Variants in RGS12 observed in about 807,000 individuals in gnomAD.
RGS12 encodes regulator of G protein signaling 12, also known as regulator of G-protein signaling 12.
In RGS12, 66 loss-of-function variants were observed where a neutral mutation model predicts 120.1. The observed-to-expected ratio is 0.55, with a 90% CI of 0.45 to 0.67. The LOEUF is 0.67. Among genes scored for constraint, RGS12 ranks in the 30% least tolerant of loss-of-function variants. The probability of loss-of-function intolerance (pLI) is 0.00; values close to 1 mark genes in which losing one functional copy is unlikely to be tolerated. For missense variants in RGS12, 1,859 were observed against 1,957.7 expected (o/e 0.95, Z 0.95); for synonymous variants, 827 against 804.7 (o/e 1.03, Z -0.47).
rs943822552 is a variant in RGS12 at position 3,365,092 on chromosome 4, C to T, written c.1999-21324C>T. Among the ~76,000 whole-genome samples the T allele has an allele frequency of 5.3e-5, 8 of 152,034 alleles. No individual in the cohort carries two copies. Among genetic ancestry groups the T allele is most frequent in the South Asian group, 2.1e-4 (1 of 4,810 alleles). ...AGGTGACGGCGGTTTGCAGGTTCCC[C>T]GGGAGCTGTTGGAGCCAGGAGCCTG... On this transcript the variant is annotated intron_variant, in intron 3 of 17. Coordinates refer to ENST00000336727, the MANE Select transcript of RGS12 (RefSeq NM_001394154.1). This position sits in a 1 kb window ranked among gnomAD's most constrained non-coding sequence, Gnocchi z 4.0.
intron 2 of RGS12, among the ~76,000 whole-genome samples, chr4:3,337,875 G>A (rs1468055775): frequency 6.6e-6 from 1 of 152,016 alleles, no homozygotes; most frequent in Non-Finnish European, 1.5e-5. Context: ...TATTTTGAAA[G>A]TTTAATAAAA....
chr4:3,393,792 C>T (rs552322025), intron 4 of RGS12, among the ~76,000 whole-genome samples: 1 of 152,234 alleles, frequency 6.6e-6, no homozygotes, highest in African/African-American at 2.4e-5. Context: ...TTTTTTTCAC[C>T]TTACTTGTGG....
intron 1 of RGS12, 106 bp from the exon 2 acceptor site, chr4:3,315,964 T>G (rs1724710227): frequency 2.1e-6 from 1 of 471,164 alleles, no homozygotes; most frequent in African/African-American, 2.0e-5. Flanking sequence ...AGGCTCTTTC[T>G]GTGGTGGTTT....
intron 3 of RGS12, among the ~76,000 whole-genome samples, chr4:3,368,368 C>T (rs908576248): frequency 4.6e-5 from 6 of 129,386 alleles, no homozygotes; most frequent in Middle Eastern, 5.1e-3. Flanking sequence ...TGTGTGTGTG[C>T]GTGCCTGTGT....
intron 4 of RGS12, among the ~76,000 whole-genome samples, chr4:3,408,915 A>G (rs935797602): frequency 3.9e-5 from 6 of 152,222 alleles, no homozygotes; most frequent in Non-Finnish European, 4.4e-5. Context: ...GATTGTGTGA[A>G]GGGGGCGTGG....
rs112908260 is a variant in RGS12, at chr4:3,376,442, G to A, written c.1999-9974G>A. Among the ~76,000 whole-genome samples, 1,016 of 152,356 alleles carry A rather than the reference G, an allele frequency of 6.7e-3. 12 individuals carry two copies. Among genetic ancestry groups the A allele is most frequent in the African/African-American group, 0.023 (972 of 41,578 alleles). Reference sequence around the variant, plus strand: ...ATGCTGAGGAGTGGAGAGGGAGATGGAACAGGAGGGGACTGGGTCCCTCTG... The same window carrying A: ...ATGCTGAGGAGTGGAGAGGGAGATGAAACAGGAGGGGACTGGGTCCCTCTG... On this transcript the variant is annotated intron_variant, in intron 3 of 17. Coordinates refer to ENST00000336727, the MANE Select transcript of RGS12 (RefSeq NM_001394154.1).
chr4:3,290,405 TCTA>T (rs1056039430), upstream of RGS12, among the ~76,000 whole-genome samples: 35 of 152,300 alleles, frequency 2.3e-4, no homozygotes, highest in African/African-American at 8.2e-4. Context: ...CACCCACCCT[TCTA>T]CTATCCGTCT....
chr4:3,415,575 G>A (rs1344602684), intron 6 of RGS12, among the ~76,000 whole-genome samples: 6 of 152,168 alleles, frequency 3.9e-5, no homozygotes, highest in African/African-American at 1.2e-4. Context: ...GGCCTGGCCC[G>A]GCCTGGCTGC....
chr4:3,386,251 T>C, intron 3 of RGS12, 165 bp from the exon 4 acceptor site: 1 of 676,412 alleles, frequency 1.5e-6, no homozygotes, highest in Non-Finnish European at 2.7e-6. Context: ...GAGCCGTGAC[T>C]CTTGACTCAT....
At position 3,372,049 on chromosome 4, in the gene RGS12, C is replaced by G. The variant is rs1333348347; in HGVS notation, c.1999-14367C>G. ...TTGGCAGGCCGGGAAGATGCCCGTG[C>G]CTGTCACCTAATCGGGGCACCTCAT... On this transcript the variant is annotated intron_variant, in intron 3 of 17. Transcript: ENST00000336727. This position sits in a 1 kb window ranked among gnomAD's most constrained non-coding sequence, Gnocchi z 4.3. 2.0e-5 allele frequency among the ~76,000 whole-genome samples: 3 copies of G among 152,206 alleles called. No homozygotes were observed. The highest frequency in any genetic ancestry group is 7.2e-5 in the African/African-American group (3 of 41,450).
At chr4:3,304,822 C>G (rs1003074769) in intron 1 of RGS12, among the ~76,000 whole-genome samples, 2 of 152,218 alleles carry the variant, frequency 1.3e-5, no homozygotes, top group Non-Finnish European at 2.9e-5. Flanking sequence ...TCAAACGACC[C>G]TGGAGCTATT....
intron 3 of RGS12, among the ~76,000 whole-genome samples, chr4:3,358,592 T>C (rs1174510229): frequency 6.6e-6 from 1 of 152,150 alleles, no homozygotes; most frequent in East Asian, 1.9e-4. Context: ...AATGATGTGA[T>C]TTTCCCTCTT....
At chr4:3,401,731 A>T (rs751021965) in intron 4 of RGS12, among the ~76,000 whole-genome samples, 10 of 152,250 alleles carry the variant, frequency 6.6e-5, no homozygotes, top group Middle Eastern at 3.2e-3. Flanking sequence ...CACCTCCTAG[A>T]ATACAGCTTG....
At chr4:3,331,205 C>T (rs1436288461) in intron 2 of RGS12, among the ~76,000 whole-genome samples, 1 of 152,116 alleles carries the variant, frequency 6.6e-6, no homozygotes, top group Non-Finnish European at 1.5e-5. Context: ...TCTAACACCC[C>T]TCAAAGAAAC....
intron 3 of RGS12, among the ~76,000 whole-genome samples, chr4:3,346,160 A>G (rs775070385): frequency 2.6e-5 from 4 of 152,220 alleles, no homozygotes; most frequent in Non-Finnish European, 5.9e-5. Flanking sequence ...TGGATAATTT[A>G]GAGCAATTTT....
rs746931682 is a variant in RGS12 at position 3,414,164 on chromosome 4, C to T, written c.2113C>T (p.Arg705Cys). The change falls in exon 5 of 18, where the codon CGT becomes TGT. Residue 705 changes from arginine to cysteine, a missense_variant. Arg to Cys is a radical substitution (Grantham distance 180). This residue lies in a region of RGS12 where 967 missense variants were observed against 994.2 expected (regional missense o/e 0.97). Transcript: ENST00000336727. Reference protein sequence around the residue: ...LPSVQSCRRLRERRVASWAVS... With the variant: ...LPSVQSCRRLCERRVASWAVS... ...CAGCGTGCAGAGCTGCCGGCGCCTGCGTGAGAGGAGGGTCGCCAGCTGGGC... is the reference window on the plus strand; with the variant it reads ...CAGCGTGCAGAGCTGCCGGCGCCTGTGTGAGAGGAGGGTCGCCAGCTGGGC... The T allele has an allele frequency of 1.7e-5, 27 of 1,557,542 alleles. No individual in the cohort carries two copies. Among genetic ancestry groups the T allele is most frequent in the East Asian group, 2.4e-5 (1 of 42,220 alleles).
chr4:3,398,724 A>G (rs1315973614), intron 4 of RGS12, among the ~76,000 whole-genome samples: 1 of 152,088 alleles, frequency 6.6e-6, no homozygotes, highest in Non-Finnish European at 1.5e-5. Flanking sequence ...TTCAGAAACC[A>G]AGAGATCAAG....
chr4:3,409,383 G>A (rs7680029), intron 4 of RGS12, among the ~76,000 whole-genome samples: 130,238 of 152,316 alleles, frequency 0.86, 56,219 homozygotes, highest in East Asian at 1. Context: ...TAAAGGGTCA[G>A]TTATTGATTT....
At chr4:3,427,309 G>C (rs573947782) in intron 14 of RGS12, among the ~76,000 whole-genome samples, 39 of 152,330 alleles carry the variant, frequency 2.6e-4, no homozygotes, top group Admixed American at 7.8e-4. Context: ...GGCGCTCAGC[G>C]TTTTTGTAGG....
Sources: gnomAD v4.1 joint callset for allele counts (sites outside exome capture counted in the v4.1 genomes callset) on GRCh38, gnomAD v4.1.1 for gene constraint, gnomAD v4.1.1 regional missense constraint, Gnocchi (gnomAD v3.1) non-coding constraint, MANE v1.5 for transcripts, NCBI Gene and HGNC (gene_info 2026-07-23, HGNC 2026-07-21) for gene names.